The following FSTL4 variants were observed in gnomAD, a reference collection of about 807,000 sequenced individuals.
The protein encoded by FSTL4 is follistatin like 4.
In FSTL4, 28 loss-of-function variants were observed where a neutral mutation model predicts 78.2. The observed-to-expected ratio is 0.36, with a 90% CI of 0.27 to 0.49. FSTL4 has a LOEUF of 0.49. Among genes scored for constraint, FSTL4 ranks in the 20% least tolerant of loss-of-function variants. The pLI, the probability that FSTL4 is intolerant of heterozygous loss-of-function variation, is 0.98. For missense variants in FSTL4, 922 were observed against 1,084.9 expected (o/e 0.85, Z 2.11); for synonymous variants, 422 against 440.5 (o/e 0.96, Z 0.53).
intron 4 of FSTL4, among the ~76,000 whole-genome samples, chr5:133,397,845 G>A (rs1580680945): frequency 6.6e-6 from 1 of 152,370 alleles, no homozygotes; most frequent in East Asian, 1.9e-4. Flanking sequence ...TAGAAATAGA[G>A]AATGAAAGAT....
the FSTL4 span, among the ~76,000 whole-genome samples, chr5:133,743,482 C>T: frequency 6.6e-6 from 1 of 152,118 alleles, no homozygotes; most frequent in South Asian, 2.1e-4. Context: ...CTAGGCAAAT[C>T]CATTCACTTC....
Position 133,449,466 on chromosome 5 carries a change from C to T in FSTL4, c.161-48480G>A, listed in dbSNP as rs138000865. On this transcript the variant is annotated intron_variant, in intron 3 of 15. Coordinates refer to ENST00000265342, the MANE Select transcript of FSTL4 (RefSeq NM_015082.2). ...CCATGGCCAAATAGTCTAACACGCG[C>T]GGGCCTCTGAAAGGCAGGAGCTGTG... 2.4e-3 allele frequency among the ~76,000 whole-genome samples: 372 copies of T among 152,284 alleles called. 1 individual carries two copies. Among genetic ancestry groups the T allele is most frequent in the Non-Finnish European group, 4.3e-3 (292 of 68,012 alleles).
At chr5:133,704,018 T>C in the FSTL4 span, among the ~76,000 whole-genome samples, 22 of 152,100 alleles carry the variant, frequency 1.4e-4, no homozygotes, top group African/African-American at 5.3e-4. Flanking sequence ...TACCTGCTAC[T>C]CACCACACGG....
At chr5:133,714,617 A>G in the FSTL4 span, among the ~76,000 whole-genome samples, 1 of 152,232 alleles carries the variant, frequency 6.6e-6, no homozygotes, top group East Asian at 1.9e-4. Flanking sequence ...ACTTCTGCCA[A>G]GCTGTGATGA....
intron 2 of FSTL4, among the ~76,000 whole-genome samples, chr5:133,592,801 C>T (rs1450572222): frequency 6.6e-6 from 1 of 152,188 alleles, no homozygotes; most frequent in Non-Finnish European, 1.5e-5. Context: ...TCACCTTCTA[C>T]CAGGAGTGGA....
chr5:133,835,704 T>A, the FSTL4 span, among the ~76,000 whole-genome samples: 1 of 152,208 alleles, frequency 6.6e-6, no homozygotes, highest in Non-Finnish European at 1.5e-5. Flanking sequence ...TATTTTGTCA[T>A]CTGCTAGTGC....
chr5:133,452,970 T>C (rs1757413243), intron 3 of FSTL4, among the ~76,000 whole-genome samples: 1 of 152,248 alleles, frequency 6.6e-6, no homozygotes, highest in Non-Finnish European at 1.5e-5. Context: ...GTGAAGTCAC[T>C]TGTTGGAGGT....
intron 6 of FSTL4, among the ~76,000 whole-genome samples, chr5:133,275,326 G>T (rs1378112720): frequency 6.6e-6 from 1 of 152,072 alleles, no homozygotes; most frequent in Non-Finnish European, 1.5e-5. Context: ...TTGGGAGGCC[G>T]AGACAGGCAG....
chr5:133,217,070 T>C (rs929937164), intron 13 of FSTL4, among the ~76,000 whole-genome samples, 159 bp downstream of exon 13: 5 of 152,220 alleles, frequency 3.3e-5, no homozygotes, highest in South Asian at 2.1e-4. Context: ...CCCTACATAG[T>C]AGACAATCAA....
At chr5:133,374,503 G>T (rs926521910) in intron 4 of FSTL4, among the ~76,000 whole-genome samples, 2 of 152,002 alleles carry the variant, frequency 1.3e-5, no homozygotes, top group Non-Finnish European at 2.9e-5. Flanking sequence ...GGTTAAATAT[G>T]AACTTTCCAA....
intron 6 of FSTL4, among the ~76,000 whole-genome samples, chr5:133,297,305 A>G (rs908548163): frequency 1.3e-5 from 2 of 152,152 alleles, no homozygotes; most frequent in African/African-American, 4.8e-5. Flanking sequence ...ATCAGGCACA[A>G]AGATGGAATG....
chr5:133,577,788 C>T (rs1338734955), intron 2 of FSTL4, among the ~76,000 whole-genome samples: 1 of 152,152 alleles, frequency 6.6e-6, no homozygotes, highest in Non-Finnish European at 1.5e-5. Context: ...TACCTGTAGT[C>T]CCAGATACTT....
chr5:133,583,349 G>A lies in FSTL4; in HGVS notation c.127-16130C>T, dbSNP rs112029526. ...GTCTACAGCTCCCAGCGTGAGCGAC[G>A]CAGAAGACGGGTGATTTCTGCATTT... is the stretch of plus-strand genomic sequence containing the variant. On this transcript the variant is annotated intron_variant, in intron 2 of 15. Transcript: ENST00000265342. 2.0e-3 allele frequency: 537 copies of A among 271,592 alleles called. 73 individuals are homozygous for A. Among genetic ancestry groups the A allele is most frequent in the African/African-American group, 0.012 (422 of 35,724 alleles). The allele number at this position is 271,592 out of a possible 1,614,324, so 16.8% of individuals were successfully genotyped here.
chr5:133,558,554 G>A (rs1474738227), intron 3 of FSTL4, among the ~76,000 whole-genome samples: 1 of 152,096 alleles, frequency 6.6e-6, no homozygotes, highest in African/African-American at 2.4e-5. Context: ...CATCCTACCT[G>A]CTCATTTCTG....
At chr5:133,813,468 G>A in the FSTL4 span, among the ~76,000 whole-genome samples, 55 of 152,156 alleles carry the variant, frequency 3.6e-4, no homozygotes, top group Middle Eastern at 3.4e-3. Context: ...AGTTACATGC[G>A]GCTAATGGCT....
chr5:133,450,883 C>A (rs889542133), intron 3 of FSTL4, among the ~76,000 whole-genome samples: 1 of 152,082 alleles, frequency 6.6e-6, no homozygotes, highest in Non-Finnish European at 1.5e-5. Flanking sequence ...TGATGCCAGC[C>A]CTTAGTACAT....
chr5:133,531,871 T>C (rs1759260535), intron 3 of FSTL4, among the ~76,000 whole-genome samples: 1 of 152,218 alleles, frequency 6.6e-6, no homozygotes, highest in African/African-American at 2.4e-5. Flanking sequence ...TGCATGCCTT[T>C]ACTGTGGGAA....
At chr5:133,647,091 C>A in the FSTL4 span, among the ~76,000 whole-genome samples, 4 of 152,112 alleles carry the variant, frequency 2.6e-5, no homozygotes, top group Non-Finnish European at 5.9e-5. Flanking sequence ...GCATGAAGAG[C>A]GGCCCAATGT....
At chr5:133,296,357 C>G (rs77504200) in intron 6 of FSTL4, among the ~76,000 whole-genome samples, 1,526 of 152,316 alleles carry the variant, frequency 0.01, 34 homozygotes, top group African/African-American at 0.035. Context: ...ACAGTCTTTT[C>G]TCAAAACAGC....
Sources: gnomAD v4.1 joint callset for allele counts (sites outside exome capture counted in the v4.1 genomes callset) on GRCh38, gnomAD v4.1.1 for gene constraint, MANE v1.5 for transcripts, NCBI Gene and HGNC (gene_info 2026-07-23, HGNC 2026-07-21) for gene names.